The following CD160 variants were observed in gnomAD, a reference collection of about 807,000 sequenced individuals.
The protein encoded by CD160 is CD160 antigen.
A neutral mutation model predicts 19.2 loss-of-function variants in CD160; 11 were observed. That is an observed-to-expected ratio of 0.57 (90% CI 0.36 to 0.95). The LOEUF (loss-of-function observed/expected upper bound fraction) is 0.95. CD160 is among the 40% of genes least tolerant of loss of function. The probability of loss-of-function intolerance (pLI) is 0.01; values close to 1 mark genes in which losing one functional copy is unlikely to be tolerated. For synonymous variants in CD160, 75 were observed against 81.1 expected (o/e 0.93, Z 0.40); for missense variants, 182 against 213.2 (o/e 0.85, Z 0.91).
At chr1:145,734,032 G>A (rs1208897455) in intron 4 of CD160, among the ~76,000 whole-genome samples, 1 of 152,156 alleles carries the variant, frequency 6.6e-6, no homozygotes, top group African/African-American at 2.4e-5. Flanking sequence ...GTTCATGACG[G>A]AGTCAACTTT....
At chr1:145,732,227 G>A (rs753848668) in intron 4 of CD160, among the ~76,000 whole-genome samples, 2 of 152,114 alleles carry the variant, frequency 1.3e-5, no homozygotes, top group Non-Finnish European at 2.9e-5. Context: ...TAAACCAAAT[G>A]TAAGGAAAGA....
At chr1:145,728,478 C>A in intron 3 of CD160, 78 bp downstream of exon 3, 7 of 743,756 alleles carry the variant, frequency 9.4e-6, no homozygotes, top group Non-Finnish European at 1.4e-5. Context: ...CCGTGATTTT[C>A]TCTAGTGGGG....
rs782603867 is a variant in CD160 at position 145,730,881 on chromosome 1, G to C, written c.211G>C (p.Glu71Gln). The C allele has an allele frequency of 5.0e-6, 8 of 1,613,986 alleles. No homozygotes were observed. The highest frequency in any genetic ancestry group is 1.6e-4 in the Middle Eastern group (1 of 6,062). The change falls in exon 4 of 6, where the codon GAG becomes CAG. Residue 71 changes from glutamate to glutamine, a missense_variant. Coordinates refer to ENST00000369288, the MANE Select transcript of CD160 (RefSeq NM_007053.4). ...CKDRSGDCSP[E>Q]TSLKQLRLKR... ...GGACAGGTCTGGAGACTGTTCTCCT[G>C]AGACCAGTTTAAAACAGCTGAGACT...
chr1:145,731,432 A>G (rs1027352127), intron 4 of CD160, among the ~76,000 whole-genome samples: 1 of 152,128 alleles, frequency 6.6e-6, no homozygotes, highest in East Asian at 1.9e-4. Flanking sequence ...GCATTTTGGG[A>G]GGCTGAGGTA....
In CD160 at chr1:145,736,018, C is replaced by A; in HGVS notation, c.422C>A (p.Thr141Lys). ...CCAGAGACAGGGAACTACACAGTGA[C>A]GGGATTGAAACAAAGACAACACCTT... is the stretch of plus-strand genomic sequence containing the variant. ...LFTETGNYTV[T>K]GLKQRQHLEF... Residue 141 changes from threonine (T) to lysine (K), a missense_variant, in exon 5 of 6, where the codon ACG becomes AAG. Coordinates refer to ENST00000369288, the MANE Select transcript of CD160 (RefSeq NM_007053.4). 1 of 1,613,092 alleles carries A rather than the reference C, an allele frequency of 6.2e-7. No individual in the cohort carries two copies. The highest frequency in any genetic ancestry group is 8.5e-7 in the Non-Finnish European group (1 of 1,179,160).
At chr1:145,723,697 C>A (rs1656944248) in intron 1 of CD160, among the ~76,000 whole-genome samples, 1 of 152,086 alleles carries the variant, frequency 6.6e-6, no homozygotes, top group South Asian at 2.1e-4. Context: ...AATTATCCTG[C>A]CTCAGCCTCC....
chr1:145,730,783 C>G lies in CD160; in HGVS notation c.113C>G (p.Thr38Arg). Residue 38 changes from threonine to arginine, a missense_variant, in exon 4 of 6, where the codon ACG (threonine) becomes AGG (arginine). Coordinates refer to ENST00000369288, the MANE Select transcript of CD160 (RefSeq NM_007053.4). Reference protein sequence around the residue: ...NITSSASQEGTRLNLICTVWH... With the variant: ...NITSSASQEGRRLNLICTVWH... ...ACCAGCTCAGCTTCCCAGGAAGGAA[C>G]GCGACTAAACTTAATCTGTACTGTA... is the stretch of plus-strand genomic sequence containing the variant. 1 of 1,613,804 alleles carries G rather than the reference C, an allele frequency of 6.2e-7. No homozygotes were observed. The highest frequency in any genetic ancestry group is 8.5e-7 in the Non-Finnish European group (1 of 1,180,018).
intron 2 of CD160, among the ~76,000 whole-genome samples, chr1:145,727,422 G>A (rs1278390210): frequency 6.6e-6 from 1 of 151,832 alleles, no homozygotes; most frequent in African/African-American, 2.4e-5. Flanking sequence ...ATTTTTCTTA[G>A]CCAGGATTAG....
intron 3 of CD160, among the ~76,000 whole-genome samples, chr1:145,729,237 T>G (rs1332811158): frequency 3.3e-5 from 5 of 152,206 alleles, no homozygotes; most frequent in African/African-American, 9.6e-5. Flanking sequence ...TGTAGGAGAA[T>G]GGCATTCAAT....
intron 4 of CD160, among the ~76,000 whole-genome samples, chr1:145,734,149 T>C (rs904531774): frequency 6.6e-6 from 1 of 152,172 alleles, no homozygotes; most frequent in Non-Finnish European, 1.5e-5. Context: ...TGTTATTCCT[T>C]TCCTTCCAAA....
At chr1:145,720,662 T>C (rs1656798863) in intron 1 of CD160, among the ~76,000 whole-genome samples, 1 of 152,164 alleles carries the variant, frequency 6.6e-6, no homozygotes, top group African/African-American at 2.4e-5. Context: ...AGATCCGGGC[T>C]CCGGTGGCAG....
At position 145,736,009 on chromosome 1, in the gene CD160, A is replaced by T; in HGVS notation, c.413A>T (p.Tyr138Phe). Residue 138 changes from tyrosine to phenylalanine, a missense_variant, in exon 5 of 6, where the codon TAC (tyrosine) becomes TTC (phenylalanine). Physicochemically the swap from Tyr to Phe is conservative, Grantham distance 22 (BLOSUM62 3). Coordinates refer to ENST00000369288, the MANE Select transcript of CD160 (RefSeq NM_007053.4). Reference protein sequence around the residue: ...FSILFTETGNYTVTGLKQRQH... With the variant: ...FSILFTETGNFTVTGLKQRQH... ...TCTTTTGAACCAGAGACAGGGAACT[A>T]CACAGTGACGGGATTGAAACAAAGA... The T allele has an allele frequency of 1.9e-6, 3 of 1,612,728 alleles. No individual in the cohort carries two copies. Among genetic ancestry groups the T allele is most frequent in the Non-Finnish European group, 2.5e-6 (3 of 1,178,836 alleles).
chr1:145,728,215 C>G, intron 2 of CD160, 41 bp from the exon 3 acceptor site: 1 of 725,442 alleles, frequency 1.4e-6, no homozygotes, highest in Non-Finnish European at 2.4e-6. Flanking sequence ...GGTCTTGGAA[C>G]CCTGGAAGGC....
chr1:145,721,877 C>T (rs1481270578), intron 1 of CD160, among the ~76,000 whole-genome samples: 2 of 152,176 alleles, frequency 1.3e-5, no homozygotes, highest in Non-Finnish European at 2.9e-5. Flanking sequence ...CCCCTTGACA[C>T]TTTATGACCT....
chr1:145,730,787 A>T lies in CD160; in HGVS notation c.117A>T (p.Arg39=). ...GCTCAGCTTCCCAGGAAGGAACGCG[A>T]CTAAACTTAATCTGTACTGTATGGC... ...ITSSASQEGT[R]LNLICTVWHK... The change falls in exon 4 of 6, where the codon CGA becomes CGT. Residue 39 remains arginine (R), a synonymous_variant. Transcript: ENST00000369288. 1 of 1,614,084 alleles carries T rather than the reference A, an allele frequency of 6.2e-7. No homozygotes were observed. The highest frequency in any genetic ancestry group is 8.5e-7 in the Non-Finnish European group (1 of 1,180,036).
intron 3 of CD160, among the ~76,000 whole-genome samples, chr1:145,728,641 C>G (rs1014193591): frequency 1.3e-5 from 2 of 151,322 alleles, no homozygotes; most frequent in Admixed American, 6.6e-5. Context: ...GTAGCTGGGA[C>G]TACAGGCTTA....
intron 1 of CD160, among the ~76,000 whole-genome samples, chr1:145,724,022 G>A (rs1287074055): frequency 4.6e-5 from 7 of 152,112 alleles, no homozygotes; most frequent in Non-Finnish European, 1.0e-4. Flanking sequence ...AATATATAAT[G>A]AGTATTCCCC....
At chr1:145,738,350 A>C in intron 5 of CD160, 136 bp from the exon 6 acceptor site, 4 of 490,206 alleles carry the variant, frequency 8.2e-6, no homozygotes, top group Non-Finnish European at 1.4e-5. Flanking sequence ...AATAGTTCCC[A>C]CTTTCCTTTT....
chr1:145,731,197 C>A, intron 4 of CD160, 127 bp downstream of exon 4: 1 of 726,682 alleles, frequency 1.4e-6, no homozygotes, highest in Non-Finnish European at 2.4e-6. Flanking sequence ...TTCCAACATC[C>A]CCATTGGCAG....
Sources: allele counts gnomAD v4.1 joint callset (sites outside exome capture counted in the v4.1 genomes callset), GRCh38; gene constraint gnomAD v4.1.1; transcripts MANE v1.5; gene names NCBI Gene and HGNC (gene_info 2026-07-23, HGNC 2026-07-21).